ATR: variants seen among roughly 807,000 people sequenced by gnomAD.
ATR encodes ATR checkpoint kinase, also known as serine/threonine-protein kinase ATR.
ATR carries 142 observed loss-of-function variants against 305.3 expected under a neutral mutation model. That is an observed-to-expected ratio of 0.47 (90% CI 0.41 to 0.53). The LOEUF (loss-of-function observed/expected upper bound fraction) is 0.53, where lower values mean the gene tolerates loss of function less well. ATR is among the 20% of genes least tolerant of loss of function. The pLI is 0.00. For synonymous variants in ATR, 1,050 were observed against 1,068.1 expected, an observed-to-expected ratio of 0.98 and a Z score of 0.33; for missense variants, 2,135 against 3,133.1, an observed-to-expected ratio of 0.68 and a Z score of 7.60.
Position 142,561,282 on chromosome 3 carries a change from G to A in ATR, c.1310C>T (p.Ser437Phe). 1 of 1,614,084 alleles carries A rather than the reference G, an allele frequency of 6.2e-7. No homozygotes were observed. The highest frequency in any genetic ancestry group is 8.5e-7 in the Non-Finnish European group (1 of 1,179,978). ...TGGTGCTCTTTTAGAAGGGTTTAGAGACGAGCTGAGACGACGCCTTTTGGG... is the reference window on the plus strand; with the variant it reads ...TGGTGCTCTTTTAGAAGGGTTTAGAAACGAGCTGAGACGACGCCTTTTGGG... ...ISPKRRRLSS[S>F]LNPSKRAPKQ... The change falls in exon 5 of 47, where the codon TCT becomes TTT. Residue 437 changes from serine to phenylalanine, a missense_variant. Ser to Phe is a radical substitution (Grantham distance 155). Coordinates refer to ENST00000350721, the MANE Select transcript of ATR (RefSeq NM_001184.4).
chr3:142,503,342 A>T lies in ATR; in HGVS notation c.5288+20T>A. ...CATTCAGATGCAATAACAAAAGAAA[A>T]TCATTTTATAAAATATTACCTGTTA... On this transcript the variant is annotated intron_variant, in intron 30 of 46. Transcript: ENST00000350721. The T allele has an allele frequency of 6.4e-7, 1 of 1,552,562 alleles. No homozygotes were observed. The highest frequency in any genetic ancestry group is 1.7e-5 in the Admixed American group (1 of 59,330).
At chr3:142,454,967 G>A (rs1268125646) in intron 45 of ATR, among the ~76,000 whole-genome samples, 2 of 152,042 alleles carry the variant, frequency 1.3e-5, no homozygotes, top group Admixed American at 1.3e-4. Context: ...ATATTAAAAA[G>A]GAAGAAGAAA....
At position 142,561,403 on chromosome 3, in the gene ATR, A is replaced by G. The variant is rs768157135; in HGVS notation, c.1189T>C (p.Tyr397His). ...VDAEYLLGPL[Y>H]AALKMESMEI... Reference sequence around the variant, plus strand: ...ATACTTTCCATTTTCAAAGCTGCATAAAGTGGGCCCAACAAGTACTGAGAA... The same window carrying G: ...ATACTTTCCATTTTCAAAGCTGCATGAAGTGGGCCCAACAAGTACTGAGAA... The change falls in exon 5 of 47, where the codon TAT becomes CAT. Residue 397 changes from tyrosine to histidine, a missense_variant. Tyr to His is a moderately conservative substitution (Grantham distance 83). Coordinates refer to ENST00000350721, the MANE Select transcript of ATR (RefSeq NM_001184.4). 1.2e-6 allele frequency: 2 copies of G among 1,613,930 alleles called. No homozygotes were observed. Among genetic ancestry groups the G allele is most frequent in the African/African-American group, 1.3e-5 (1 of 74,928 alleles).
At chr3:142,575,290 A>G (rs2035398891) in intron 1 of ATR, among the ~76,000 whole-genome samples, 2 of 151,956 alleles carry the variant, frequency 1.3e-5, no homozygotes, top group Non-Finnish European at 2.9e-5. Context: ...GTTGGAGACA[A>G]CCTGTGCAAC....
At chr3:142,477,920 T>G (rs1371427235) in intron 36 of ATR, among the ~76,000 whole-genome samples, 2 of 152,268 alleles carry the variant, frequency 1.3e-5, no homozygotes, top group Non-Finnish European at 2.9e-5. Context: ...TTTGTATTTC[T>G]GTGGGATCGG....
Position 142,568,075 on chromosome 3 carries a change from C to T in ATR, c.139G>A (p.Asp47Asn). ...ATTGGTTTCTTACCAACATTTACAT[C>T]TGTAAGTATCCGGTCAATGAATTGA... ...LCQFIDRILTDVNVVAVELVK... is the reference protein window; with the variant it reads ...LCQFIDRILTNVNVVAVELVK... The change falls in exon 2 of 47, where the codon GAT becomes AAT. Residue 47 changes from aspartate to asparagine, a missense_variant. Asp to Asn is a conservative substitution (Grantham distance 23). This residue lies in a region of ATR where 744 missense variants were observed against 873.2 expected (regional missense o/e 0.85). Transcript: ENST00000350721. The T allele has an allele frequency of 6.2e-7, 1 of 1,607,684 alleles. No individual in the cohort carries two copies. The highest frequency in any genetic ancestry group is 8.5e-7 in the Non-Finnish European group (1 of 1,175,740).
chr3:142,522,043 AT>A (rs1257178436), intron 23 of ATR, among the ~76,000 whole-genome samples: 1 of 152,166 alleles, frequency 6.6e-6, no homozygotes, highest in Non-Finnish European at 1.5e-5. Flanking sequence ...TCGTTGTCTG[AT>A]TTTTTTAAGA....
Position 142,477,824 on chromosome 3 carries a change from G to A in ATR, c.6221+7316C>T, listed in dbSNP as rs578084019. Among the ~76,000 whole-genome samples the A allele has an allele frequency of 2.6e-5, 4 of 152,026 alleles. No individual in the cohort carries two copies. The South Asian group carries it at 6.2e-4, about 24-fold the overall frequency. On this transcript the variant is annotated intron_variant, in intron 36 of 46. Transcript: ENST00000350721. ...CTTCTTCCTGGTTTAGTCTTGGGAG[G>A]GTGTATGTGTCCAGGAATTTATCCA...
At chr3:142,538,666 T>C (rs375276187) in intron 18 of ATR, 41 bp from the exon 19 acceptor site, 376 of 1,609,426 alleles carry the variant, frequency 2.3e-4, no homozygotes, top group Non-Finnish European at 3.1e-4. Flanking sequence ...CAATTACTTT[T>C]ATTATTTGTA....
rs181100905 is a variant in ATR at position 142,501,228 on chromosome 3, G to C, written c.5289-1510C>G. Among the ~76,000 whole-genome samples, 7 of 152,260 alleles carry C rather than the reference G, an allele frequency of 4.6e-5. No homozygotes were observed. In the East Asian group the frequency reaches 1.4e-3, roughly 29 times the overall value. On this transcript the variant is annotated intron_variant, in intron 30 of 46. Transcript: ENST00000350721. ...TATCCCAGACCCAAAGAGAAGAAAA[G>C]AGGAGTCTGAATGTGTAGTCTATGT...
chr3:142,557,875 C>T (rs898901059), intron 8 of ATR, among the ~76,000 whole-genome samples: 6 of 152,250 alleles, frequency 3.9e-5, no homozygotes, highest in Admixed American at 1.3e-4. Context: ...TCAAGAGATC[C>T]GCATGCCTTG....
intron 1 of ATR, among the ~76,000 whole-genome samples, chr3:142,572,084 T>G (rs1165202125): frequency 1.6e-4 from 24 of 151,108 alleles, no homozygotes; most frequent in South Asian, 2.1e-4. Flanking sequence ...TTTTTTTTTC[T>G]TTTGAGACGG....
intron 28 of ATR, 133 bp downstream of exon 28, chr3:142,507,798 A>T (rs763967235): frequency 3.7e-6 from 3 of 821,248 alleles, no homozygotes; most frequent in Non-Finnish European, 5.7e-6. Flanking sequence ...TACCAAATTG[A>T]TGTTTATCTC....
chr3:142,550,612 A>G lies in ATR; in HGVS notation c.2806-310T>C, dbSNP rs77919782. ...TATTTAAAACAAAGTGTCATATAAC[A>G]TAATATCAAGGTGTAAAACAGTTTA... On this transcript the variant is annotated intron_variant, in intron 13 of 46. Coordinates refer to ENST00000350721, the MANE Select transcript of ATR (RefSeq NM_001184.4). 0.018 allele frequency among the ~76,000 whole-genome samples: 2,727 copies of G among 152,320 alleles called. 28 individuals carry two copies. The highest frequency in any genetic ancestry group is 0.041 in the South Asian group (196 of 4,822).
chr3:142,566,052 T>A, intron 3 of ATR, 69 bp downstream of exon 3: 7 of 1,595,318 alleles, frequency 4.4e-6, no homozygotes, highest in Non-Finnish European at 6.0e-6. Flanking sequence ...ATGTAATATT[T>A]CAGAAGAGCA....
chr3:142,491,073 C>A (rs1212712853), intron 35 of ATR, among the ~76,000 whole-genome samples: 1 of 151,954 alleles, frequency 6.6e-6, no homozygotes, highest in Non-Finnish European at 1.5e-5. Flanking sequence ...GTAACCATCA[C>A]CACTATTTAA....
intron 41 of ATR, among the ~76,000 whole-genome samples, chr3:142,463,760 T>C (rs2071068679): frequency 6.6e-6 from 1 of 152,218 alleles, no homozygotes; most frequent in Non-Finnish European, 1.5e-5. Flanking sequence ...GTGGTATTAA[T>C]TTTTAAATTA....
At chr3:142,495,814 A>G (rs749096372) in intron 34 of ATR, among the ~76,000 whole-genome samples, 1 of 152,062 alleles carries the variant, frequency 6.6e-6, no homozygotes, top group Non-Finnish European at 1.5e-5. Flanking sequence ...AAGTAGTTCC[A>G]ATGTTTAAAA....
intron 35 of ATR, among the ~76,000 whole-genome samples, chr3:142,489,628 C>T (rs773177156): frequency 6.6e-5 from 10 of 152,126 alleles, no homozygotes; most frequent in Admixed American, 1.3e-4. Flanking sequence ...TACCTTGTTG[C>T]GTGTATCAGT....
Sources: gnomAD v4.1 joint callset for allele counts (sites outside exome capture counted in the v4.1 genomes callset) on GRCh38, gnomAD v4.1.1 for gene constraint, gnomAD v4.1.1 regional missense constraint, MANE v1.5 for transcripts, NCBI Gene and HGNC (gene_info 2026-07-23, HGNC 2026-07-21) for gene names.